Variants in PTGER4 observed in about 807,000 individuals in gnomAD.
The protein encoded by PTGER4 is prostaglandin E2 receptor EP4 subtype.
PTGER4 carries 11 observed loss-of-function variants against 33.2 expected under a neutral mutation model. The ratio of observed to expected loss-of-function variants is 0.33; its 90% confidence interval spans 0.21 to 0.55. PTGER4 has a LOEUF of 0.55. PTGER4 is among the 20% of genes least tolerant of loss of function. PTGER4 has a pLI of 0.92. For missense variants in PTGER4, 481 were observed against 650.2 expected (o/e 0.74, Z 2.83); for synonymous variants, 275 against 281.5 (o/e 0.98, Z 0.23).
At chr5:40,693,787 T>C (rs888248874), downstream of PTGER4, 1 of 860,156 alleles carries the variant, frequency 1.2e-6, no homozygotes, top group Non-Finnish European at 1.4e-6. Context: ...TTTTTTGTTG[T>C]TTCAGGTCAT....
At chr5:40,698,034 G>A, downstream of PTGER4, among the ~76,000 whole-genome samples, 1 of 128,658 alleles carries the variant, frequency 7.8e-6, no homozygotes. Context: ...ATACCACATG[G>A]TCTCACTTGC....
At chr5:40,696,034 C>A (rs972271372), downstream of PTGER4, among the ~76,000 whole-genome samples, 2 of 152,032 alleles carry the variant, frequency 1.3e-5, no homozygotes, top group Admixed American at 1.3e-4. Context: ...ATGCAATATA[C>A]CCATGTAACA....
At chr5:40,690,414 A>G (rs1741439122) in intron 2 of PTGER4, among the ~76,000 whole-genome samples, 1 of 152,184 alleles carries the variant, frequency 6.6e-6, no homozygotes, top group Non-Finnish European at 1.5e-5. Context: ...AGTTTACACA[A>G]ATTCATGCTC....
chr5:40,703,832 A>C, the PTGER4 span, among the ~76,000 whole-genome samples: 1 of 139,128 alleles, frequency 7.2e-6, no homozygotes, highest in Non-Finnish European at 1.5e-5. Flanking sequence ...GAACCCGGGA[A>C]GCGGAGGTTG....
the PTGER4 span, among the ~76,000 whole-genome samples, chr5:40,726,029 C>T: frequency 2.6e-5 from 4 of 151,726 alleles, no homozygotes; most frequent in Non-Finnish European, 5.9e-5. Flanking sequence ...TTGTGATCCG[C>T]CCGCCTCGGC....
chr5:40,701,462 G>A, the PTGER4 span, among the ~76,000 whole-genome samples: 1 of 151,920 alleles, frequency 6.6e-6, no homozygotes, highest in Non-Finnish European at 1.5e-5. Context: ...TCTGAAATAA[G>A]ACAATCAGAC....
chr5:40,716,798 G>A, the PTGER4 span, among the ~76,000 whole-genome samples: 2 of 152,192 alleles, frequency 1.3e-5, no homozygotes, highest in African/African-American at 4.8e-5. Context: ...AGACCAGTAA[G>A]TATGTACATT....
chr5:40,682,034 C>G (rs919085168), intron 2 of PTGER4, among the ~76,000 whole-genome samples, 174 bp downstream of exon 2: 1 of 152,110 alleles, frequency 6.6e-6, no homozygotes, highest in Non-Finnish European at 1.5e-5. Context: ...TTTGAAGTCC[C>G]AACCCTAACG....
At chr5:40,740,116 T>C in the PTGER4 span, among the ~76,000 whole-genome samples, 1 of 152,172 alleles carries the variant, frequency 6.6e-6, no homozygotes, top group African/African-American at 2.4e-5. Flanking sequence ...AATTGTTATA[T>C]ATTTACTTCT....
At chr5:40,695,014 A>G (rs1000074054), downstream of PTGER4, among the ~76,000 whole-genome samples, 3 of 152,250 alleles carry the variant, frequency 2.0e-5, no homozygotes, top group African/African-American at 4.8e-5. Context: ...TCAAAAGGAT[A>G]TAACAGACAA....
the PTGER4 span, among the ~76,000 whole-genome samples, chr5:40,707,741 C>A: frequency 6.6e-6 from 1 of 152,186 alleles, no homozygotes; most frequent in Non-Finnish European, 1.5e-5. Flanking sequence ...ATTCTCAGCA[C>A]CACACCACAC....
chr5:40,711,524 C>T, the PTGER4 span, among the ~76,000 whole-genome samples: 1 of 152,046 alleles, frequency 6.6e-6, no homozygotes, highest in Admixed American at 6.6e-5. Context: ...TCAGCAATTC[C>T]ATCCCTAGGT....
At chr5:40,716,216 T>C in the PTGER4 span, 4 of 1,614,086 alleles carry the variant, frequency 2.5e-6, no homozygotes, top group African/African-American at 1.3e-5. Context: ...ACAGTCTCTA[T>C]GGCCCCAGAA....
chr5:40,727,388 A>G, the PTGER4 span, among the ~76,000 whole-genome samples: 2 of 152,226 alleles, frequency 1.3e-5, no homozygotes, highest in Admixed American at 1.3e-4. Context: ...AGGTGTATAT[A>G]GCCCTGCCAA....
chr5:40,730,983 C>G, the PTGER4 span, among the ~76,000 whole-genome samples: 1 of 152,030 alleles, frequency 6.6e-6, no homozygotes, highest in African/African-American at 2.4e-5. Context: ...AATGATATAA[C>G]CTCTAAAAGC....
chr5:40,697,272 AAGAAAG>A (rs1250349104), downstream of PTGER4, among the ~76,000 whole-genome samples: 6 of 135,800 alleles, frequency 4.4e-5, no homozygotes, highest in East Asian at 2.1e-4. Context: ...GAAAGAAAGA[AAGAAAG>A]AAAGAAAGAA....
the PTGER4 span, chr5:40,730,152 TA>T: frequency 1.3e-6 from 1 of 799,534 alleles, no homozygotes. Context: ...AAAGAAACCG[TA>T]TTTGTAAAAG....
the PTGER4 span, chr5:40,728,544 C>T: frequency 2.1e-6 from 3 of 1,419,776 alleles, no homozygotes; most frequent in Admixed American, 2.5e-5. Flanking sequence ...ATAAAAAACC[C>T]TTTTCATTTT....
chr5:40,696,617 A>T, downstream of PTGER4: 1 of 930,310 alleles, frequency 1.1e-6, no homozygotes, highest in Non-Finnish European at 1.3e-6. Context: ...CATCTCTACC[A>T]TTCAATCATT....
Sources: allele counts gnomAD v4.1 joint callset (sites outside exome capture counted in the v4.1 genomes callset), GRCh38; gene constraint gnomAD v4.1.1; transcripts MANE v1.5; gene names NCBI Gene and HGNC (gene_info 2026-07-23, HGNC 2026-07-21).